SRGAP3: variants seen among roughly 807,000 people sequenced by gnomAD.
SRGAP3 encodes the protein SLIT-ROBO Rho GTPase activating protein 3.
SRGAP3 carries 39 observed loss-of-function variants against 121.1 expected under a neutral mutation model. The ratio of observed to expected loss-of-function variants is 0.32; its 90% confidence interval spans 0.25 to 0.42. SRGAP3 has a LOEUF of 0.42. SRGAP3 is among the 10% of genes least tolerant of loss of function. SRGAP3 has a pLI of 1.00. For synonymous variants in SRGAP3, 601 were observed against 570.0 expected, an observed-to-expected ratio of 1.05 and a Z score of -0.77; for missense variants, 1,213 against 1,470.6, an observed-to-expected ratio of 0.82 and a Z score of 2.86.
intron 10 of SRGAP3, among the ~76,000 whole-genome samples, chr3:9,046,423 G>T (rs1162834369): frequency 1.3e-5 from 2 of 152,234 alleles, no homozygotes; most frequent in Non-Finnish European, 2.9e-5. Flanking sequence ...CTGAAGGGCA[G>T]AAATTTGCTC....
chr3:9,067,722 T>C (rs1333374230), intron 4 of SRGAP3, among the ~76,000 whole-genome samples: 2 of 152,202 alleles, frequency 1.3e-5, no homozygotes, highest in Admixed American at 6.5e-5. Flanking sequence ...GATGGGCCTA[T>C]AGGTGCAGCA....
intron 1 of SRGAP3, among the ~76,000 whole-genome samples, chr3:9,351,080 T>A (rs774288485): frequency 5.9e-5 from 9 of 152,024 alleles, no homozygotes; most frequent in Non-Finnish European, 1.2e-4. Context: ...CTTCTTTACA[T>A]AGAGGCAAGA....
intron 1 of SRGAP3, among the ~76,000 whole-genome samples, chr3:9,166,933 G>A (rs1353683690): frequency 3.3e-5 from 5 of 152,044 alleles, no homozygotes; most frequent in Non-Finnish European, 7.4e-5. Context: ...TCAACTCCCA[G>A]GAACTGCCCT....
intron 5 of SRGAP3, among the ~76,000 whole-genome samples, chr3:9,060,626 G>A (rs1327055942): frequency 6.6e-6 from 1 of 151,926 alleles, no homozygotes; most frequent in African/African-American, 2.4e-5. Context: ...TTTTAGAGAT[G>A]GTGGGGTCTC....
intron 14 of SRGAP3, among the ~76,000 whole-genome samples, chr3:9,017,774 T>C (rs1250791782): frequency 6.6e-6 from 1 of 152,236 alleles, no homozygotes; most frequent in Non-Finnish European, 1.5e-5. Context: ...ATGTAACTGT[T>C]AGATGCATAG....
At chr3:9,254,470 T>C (rs1954082361), upstream of SRGAP3, among the ~76,000 whole-genome samples, 1 of 152,192 alleles carries the variant, frequency 6.6e-6, no homozygotes, top group Non-Finnish European at 1.5e-5. Context: ...AGCTGCTTAA[T>C]AGGAAGTACC....
At chr3:9,260,620 C>A (rs1031694866) in intron 3 of SRGAP3, among the ~76,000 whole-genome samples, 8 of 152,242 alleles carry the variant, frequency 5.3e-5, no homozygotes, top group Admixed American at 2.6e-4. Context: ...CTGGGCAGGG[C>A]ATCTCTGAAA....
intron 1 of SRGAP3, among the ~76,000 whole-genome samples, chr3:9,125,135 T>C (rs1310826655): frequency 6.6e-6 from 1 of 152,238 alleles, no homozygotes; most frequent in Non-Finnish European, 1.5e-5. Flanking sequence ...ACCAAAAGTT[T>C]CCAAAACTTG....
rs558992148 is a variant in SRGAP3 at position 9,261,909 on chromosome 3, C to T, written n.442+64101G>A. On this transcript the variant is annotated intron_variant and non_coding_transcript_variant, in intron 3 of 3. Transcript: ENST00000490889. ...AAAAAAAAAAAAGACACATAATCCT[C>T]AGATTCACCAAGGTTGAAATGCAGG... is the stretch of plus-strand genomic sequence containing the variant. Among the ~76,000 whole-genome samples, 47 of 148,658 alleles carry T rather than the reference C, an allele frequency of 3.2e-4. 1 individual carries two copies. The highest frequency in any genetic ancestry group is 2.5e-3 in the Admixed American group (38 of 14,950).
chr3:9,265,295 A>G (rs1380638890), intron 3 of SRGAP3, among the ~76,000 whole-genome samples: 1 of 152,240 alleles, frequency 6.6e-6, no homozygotes, highest in Non-Finnish European at 1.5e-5. Context: ...AGGCAATACT[A>G]TTCAGGACAT....
intron 3 of SRGAP3, among the ~76,000 whole-genome samples, chr3:9,323,345 G>T (rs1955467224): frequency 6.6e-6 from 1 of 151,850 alleles, no homozygotes; most frequent in Non-Finnish European, 1.5e-5. Flanking sequence ...AAAATAAAAG[G>T]AAGACTTCAT....
chr3:9,177,997 G>A (rs1379609826), intron 1 of SRGAP3, among the ~76,000 whole-genome samples: 2 of 152,196 alleles, frequency 1.3e-5, no homozygotes, highest in African/African-American at 2.4e-5. Flanking sequence ...GCTGGGCGTG[G>A]TGGCTCACAC....
At chr3:9,233,004 G>T (rs2125223897) in intron 1 of SRGAP3, among the ~76,000 whole-genome samples, 1 of 152,246 alleles carries the variant, frequency 6.6e-6, no homozygotes, top group South Asian at 2.1e-4. Context: ...TCCCAACCAG[G>T]TGCACTTACT....
chr3:9,304,675 C>T (rs898467575), intron 3 of SRGAP3, among the ~76,000 whole-genome samples: 2 of 152,144 alleles, frequency 1.3e-5, no homozygotes, highest in African/African-American at 4.8e-5. Flanking sequence ...TGGGCTTCTC[C>T]CCCTCCGCAC....
chr3:8,993,096 A>G, intron 19 of SRGAP3, 41 bp from the exon 20 acceptor site: 1 of 1,612,052 alleles, frequency 6.2e-7, no homozygotes, highest in Non-Finnish European at 8.5e-7. Flanking sequence ...ACCTTCCCCC[A>G]AAGAACCCAG....
intron 9 of SRGAP3, among the ~76,000 whole-genome samples, chr3:9,051,024 T>A (rs928022899): frequency 0.024 from 2,704 of 113,776 alleles, 103 homozygotes; most frequent in African/African-American, 0.082. Context: ...TTGCTTTTTT[T>A]TTTTTTTTTT....
chr3:9,262,440 G>A (rs762933001), intron 3 of SRGAP3, among the ~76,000 whole-genome samples: 3 of 149,324 alleles, frequency 2.0e-5, no homozygotes, highest in African/African-American at 2.5e-5. Context: ...AAGACCCATC[G>A]GTGTGCTGTA....
intron 2 of SRGAP3, among the ~76,000 whole-genome samples, chr3:9,107,795 C>T (rs1167167834): frequency 6.6e-6 from 1 of 152,236 alleles, no homozygotes; most frequent in African/African-American, 2.4e-5. Flanking sequence ...ATCCCTCCCC[C>T]TCACCCTACT....
chr3:9,172,088 CTTTTCTTTT>C (rs1560333519), intron 1 of SRGAP3, among the ~76,000 whole-genome samples: 4 of 140,840 alleles, frequency 2.8e-5, no homozygotes, highest in Non-Finnish European at 1.6e-5. Flanking sequence ...ATGACTTTTT[CTTTTCTTTT>C]TTTTTTTTTT....
Sources: allele counts gnomAD v4.1 joint callset (sites outside exome capture counted in the v4.1 genomes callset), GRCh38; gene constraint gnomAD v4.1.1; transcripts MANE v1.5; gene names NCBI Gene and HGNC (gene_info 2026-07-23, HGNC 2026-07-21).